The following PCDHGA6 variants were observed in gnomAD, a reference collection of about 807,000 sequenced individuals.
PCDHGA6 encodes the protein protocadherin gamma subfamily A, 6, also known as protocadherin gamma-A6.
A neutral mutation model predicts 60.6 loss-of-function variants in PCDHGA6; 41 were observed. The ratio of observed to expected loss-of-function variants is 0.68; its 90% CI spans 0.53 to 0.88. The LOEUF (loss-of-function observed/expected upper bound fraction) is 0.88, where lower values mean the gene tolerates loss of function less well. PCDHGA6 is among the 40% of genes least tolerant of loss of function. The pLI is 0.00. For missense variants in PCDHGA6, 1,312 were observed against 1,203.0 expected (o/e 1.09, Z -1.34); for synonymous variants, 594 against 524.4 (o/e 1.13, Z -1.81).
chr5:141,414,686 C>G, intron 1 of PCDHGA6: 4 of 1,614,042 alleles, frequency 2.5e-6, no homozygotes, highest in Non-Finnish European at 3.4e-6. Flanking sequence ...CAGGGGGTAC[C>G]TCTGTCCTCA....
rs558504351 is a variant in PCDHGA6, at chr5:141,374,628, T to A, written c.545T>A (p.Val182Glu). The A allele has an allele frequency of 2.5e-6, 4 of 1,613,272 alleles. No individual in the cohort carries two copies. The South Asian group carries it at 3.3e-5, about 13-fold the overall frequency. Residue 182 changes from valine (V) to glutamate (E), a missense_variant, in exon 1 of 4, where the codon GTG (valine) becomes GAG (glutamate). Val to Glu is a moderately radical substitution (Grantham distance 121). Coordinates refer to ENST00000517434, the MANE Select transcript of PCDHGA6 (RefSeq NM_018919.3). ...GGTAATAGTCACTTCTCAGTGGACG[T>A]GCAAAGCGAAGCCCATGGGCCCAAG... ...LSGNSHFSVDVQSEAHGPKYP... is the reference protein window; with the variant it reads ...LSGNSHFSVDEQSEAHGPKYP...
Position 141,431,794 on chromosome 5 carries a change from A to C in PCDHGA6, c.2424+55287A>C. On this transcript the variant is annotated intron_variant, in intron 1 of 3. Coordinates refer to ENST00000517434, the MANE Select transcript of PCDHGA6 (RefSeq NM_018919.3). The surrounding 1 kb of genome is among the most constrained non-coding windows in gnomAD (Gnocchi z 4.8). ...TTCTGGACGTGAACGACAATGCCCC[A>C]GAAGTGGTCCTCACCTCTCTCGCCA... 1 of 1,614,260 alleles carries C rather than the reference A, an allele frequency of 6.2e-7. No individual in the cohort carries two copies. Among genetic ancestry groups the C allele is most frequent in the Non-Finnish European group, 8.5e-7 (1 of 1,180,046 alleles).
rs758065876 is a variant in PCDHGA6 at position 141,422,916 on chromosome 5, C to A, written c.2424+46409C>A. 5.6e-6 allele frequency: 9 copies of A among 1,614,260 alleles called. No homozygotes were observed. In the South Asian group the frequency reaches 9.9e-5, roughly 18 times the overall value. ...ACCAGAACGACAATGCGCCCGAGAT[C>A]CTGTACCCTGCCCTCCCCACAGACG... On this transcript the variant is annotated intron_variant, in intron 1 of 3. Coordinates refer to ENST00000517434, the MANE Select transcript of PCDHGA6 (RefSeq NM_018919.3).
At position 141,486,418 on chromosome 5, in the gene PCDHGA6, A is replaced by G. The variant is rs1174910867; in HGVS notation, c.2425-8389A>G. On this transcript the variant is annotated intron_variant, in intron 1 of 3. Transcript: ENST00000517434. This position sits in a 1 kb window ranked among gnomAD's most constrained non-coding sequence, Gnocchi z 5.0. ...TGGTGACTGCTGGACCCTTGGATCG[A>G]GAGGCCAAATCTAGCTATGACATCA... is the stretch of plus-strand genomic sequence containing the variant. The G allele has an allele frequency of 3.7e-6, 6 of 1,614,176 alleles. No individual in the cohort carries two copies. Among genetic ancestry groups the G allele is most frequent in the Non-Finnish European group, 5.1e-6 (6 of 1,180,020 alleles).
chr5:141,400,048 G>A (rs760963865), intron 1 of PCDHGA6: 3 of 1,613,664 alleles, frequency 1.9e-6, no homozygotes, highest in Non-Finnish European at 2.5e-6. Context: ...CCTGCTGGTT[G>A]CTGTGCGTGA....
chr5:141,437,617 C>G (rs570138576), intron 1 of PCDHGA6, among the ~76,000 whole-genome samples: 1 of 152,220 alleles, frequency 6.6e-6, no homozygotes, highest in South Asian at 2.1e-4. Context: ...CTGCTTTATC[C>G]CCATATAAGA....
chr5:141,408,824 C>T, intron 1 of PCDHGA6: 1 of 1,613,560 alleles, frequency 6.2e-7, no homozygotes, highest in South Asian at 1.1e-5. Context: ...ACAGAGATCT[C>T]ATAGCTTGAT....
chr5:141,376,162 G>A lies in PCDHGA6; in HGVS notation c.2079G>A (p.Leu693=), dbSNP rs1480360111. 2 of 1,614,084 alleles carry A rather than the reference G, an allele frequency of 1.2e-6. No homozygotes were observed. Among genetic ancestry groups the A allele is most frequent in the African/African-American group, 1.3e-5 (1 of 75,064 alleles). The stretch of plus-strand genomic sequence containing the variant: ...ACGATTCGGACCTCACTCTGTACCT[G>A]GTGGTGGCGGTGGCCGCGGTCTCCT... ...KPNDSDLTLY[L]VVAVAAVSCV... is the part of the protein sequence containing the mutation. The change falls in exon 1 of 4, where the codon CTG becomes CTA. Residue 693 remains leucine, a synonymous_variant. Transcript: ENST00000517434.
intron 1 of PCDHGA6, chr5:141,383,860 G>A: frequency 6.2e-7 from 1 of 1,613,926 alleles, no homozygotes; most frequent in Non-Finnish European, 8.5e-7. Flanking sequence ...GGAGGTTCAG[G>A]CTCAAGATGG....
intron 1 of PCDHGA6, among the ~76,000 whole-genome samples, chr5:141,458,101 G>C (rs530847477): frequency 3.3e-5 from 5 of 152,200 alleles, no homozygotes; most frequent in Non-Finnish European, 7.4e-5. Flanking sequence ...AGTACTTACA[G>C]ATAGTCTCCA....
At chr5:141,392,809 C>T in intron 1 of PCDHGA6, 1 of 1,578,772 alleles carries the variant, frequency 6.3e-7, no homozygotes, top group African/African-American at 1.4e-5. Flanking sequence ...TGCAGCAAAA[C>T]AACAATGGCC....
At chr5:141,399,146 G>C (rs758823968) in intron 1 of PCDHGA6, 1 of 1,613,792 alleles carries the variant, frequency 6.2e-7, no homozygotes, top group South Asian at 1.1e-5. Context: ...AATGACAATA[G>C]CCCAGAAGTT....
At position 141,487,736 on chromosome 5, in the gene PCDHGA6, G is replaced by C; in HGVS notation, c.2425-7071G>C. On this transcript the variant is annotated intron_variant, in intron 1 of 3. Transcript: ENST00000517434. The surrounding 1 kb of genome is among the most constrained non-coding windows in gnomAD (Gnocchi z 5.0). Reference sequence around the variant, plus strand: ...TGCCCATAGTGATGTCACCATTTTTGTAAGAGGTAACTATGTGGTAGACGC... The same window carrying C: ...TGCCCATAGTGATGTCACCATTTTTCTAAGAGGTAACTATGTGGTAGACGC... 1 of 1,563,758 alleles carries C rather than the reference G, an allele frequency of 6.4e-7. No homozygotes were observed.
intron 1 of PCDHGA6, chr5:141,413,141 G>A: frequency 1.3e-6 from 2 of 1,564,906 alleles, no homozygotes; most frequent in Non-Finnish European, 1.7e-6. Context: ...AACGTGTCCA[G>A]TGAGGACTTT....
intron 1 of PCDHGA6, among the ~76,000 whole-genome samples, chr5:141,380,002 C>A (rs1238165554): frequency 6.9e-6 from 1 of 143,940 alleles, no homozygotes; most frequent in Non-Finnish European, 1.5e-5. Flanking sequence ...TGGGTTCAAG[C>A]GATTCTCCTG....
intron 1 of PCDHGA6, among the ~76,000 whole-genome samples, chr5:141,484,627 A>G (rs866882607): frequency 5.3e-5 from 8 of 152,162 alleles, no homozygotes; most frequent in Middle Eastern, 3.4e-3. Flanking sequence ...TGGCTTGAAC[A>G]AAGTGACCAC....
rs765586654 is a variant in PCDHGA6 at position 141,421,994 on chromosome 5, T to C, written c.2424+45487T>C. 8 of 1,608,922 alleles carry C rather than the reference T, an allele frequency of 5.0e-6. No homozygotes were observed. In the African/African-American group the frequency reaches 5.4e-5, roughly 11 times the overall value. On this transcript the variant is annotated intron_variant, in intron 1 of 3. Coordinates refer to ENST00000517434, the MANE Select transcript of PCDHGA6 (RefSeq NM_018919.3). ...TATCGCGTGAGTGTTCCAGAAAACA[T>C]CAGCTCCGGAACTCGGGTGCTGATG...
intron 1 of PCDHGA6, chr5:141,387,952 C>G: frequency 2.0e-6 from 3 of 1,491,568 alleles, no homozygotes; most frequent in Non-Finnish European, 2.7e-6. Flanking sequence ...TTCCTGCTGT[C>G]TTTGTTCTGC....
chr5:141,500,184 T>TTTTA (rs58019021), intron 2 of PCDHGA6, among the ~76,000 whole-genome samples: 28,743 of 135,782 alleles, frequency 0.21, 3,285 homozygotes, highest in African/African-American at 0.3. Context: ...TCATTTTTAT[T>TTTTA]TTTATTTATT....
Sources: gnomAD v4.1 joint callset for allele counts (sites outside exome capture counted in the v4.1 genomes callset) on GRCh38, gnomAD v4.1.1 for gene constraint, Gnocchi (gnomAD v3.1) non-coding constraint, MANE v1.5 for transcripts, NCBI Gene and HGNC (gene_info 2026-07-23, HGNC 2026-07-21) for gene names.